The following CABCOCO1 variants were observed in gnomAD, a reference collection of about 807,000 sequenced individuals.
CABCOCO1 encodes the protein ciliary-associated calcium-binding coiled-coil protein 1.
In CABCOCO1, 28 loss-of-function variants were observed where a neutral mutation model predicts 35.7. The observed-to-expected ratio is 0.78, with a 90% CI of 0.58 to 1.07. The LOEUF is 1.07. Ranked by LOEUF, CABCOCO1 falls within the 50% of genes least tolerant of loss-of-function variation. The pLI is 0.00. For synonymous variants in CABCOCO1, 95 were observed against 100.1 expected, an observed-to-expected ratio of 0.95 and a Z score of 0.30; for missense variants, 326 against 309.2, an observed-to-expected ratio of 1.05 and a Z score of -0.41.
At position 61,760,855 on chromosome 10, in the gene CABCOCO1, T is replaced by A; in HGVS notation, c.676-8T>A. 2 of 1,605,428 alleles carry A rather than the reference T, an allele frequency of 1.2e-6. No homozygotes were observed. The highest frequency in any genetic ancestry group is 1.7e-5 in the Admixed American group (1 of 57,532). On this transcript the variant is annotated splice_region_variant and splice_polypyrimidine_tract_variant and intron_variant, in intron 6 of 7. Coordinates refer to ENST00000648843, the MANE Select transcript of CABCOCO1 (RefSeq NM_001366906.2). ...TCACCCGAGTGCTATTTACTTTCAA[T>A]ATTCTAGAGGTTGGATCAAGAACAA...
chr10:61,763,790 TAA>T (rs548021084), intron 7 of CABCOCO1, among the ~76,000 whole-genome samples: 9 of 137,542 alleles, frequency 6.5e-5, no homozygotes, highest in East Asian at 2.1e-4. Flanking sequence ...TTTTTTTCCT[TAA>T]AAAAAAAAAA....
intron 2 of CABCOCO1, 68 bp from the exon 3 acceptor site, chr10:61,681,075 A>T (rs1029300166): frequency 7.6e-6 from 8 of 1,046,874 alleles, no homozygotes; most frequent in Non-Finnish European, 1.0e-5. Flanking sequence ...CCTGTTTTCA[A>T]AACTTAGGAA....
intron 5 of CABCOCO1, among the ~76,000 whole-genome samples, chr10:61,723,538 A>G (rs1050621249): frequency 6.6e-6 from 1 of 152,188 alleles, no homozygotes; most frequent in African/African-American, 2.4e-5. Context: ...CACAGGCTAG[A>G]TGATGGAAAC....
chr10:61,700,945 A>G (rs1244674517), intron 5 of CABCOCO1, among the ~76,000 whole-genome samples: 1 of 63,708 alleles, frequency 1.6e-5, no homozygotes, highest in African/African-American at 7.0e-5. Context: ...ACATATACAT[A>G]CATGTATACA....
intron 5 of CABCOCO1, among the ~76,000 whole-genome samples, chr10:61,697,727 TA>T (rs1840333062): frequency 6.6e-6 from 1 of 152,108 alleles, no homozygotes; most frequent in Admixed American, 6.6e-5. Context: ...CCAAGAAGTA[TA>T]ATGCTAAGGC....
At chr10:61,682,021 T>C (rs1208399405) in intron 3 of CABCOCO1, among the ~76,000 whole-genome samples, 4 of 152,124 alleles carry the variant, frequency 2.6e-5, no homozygotes, top group Non-Finnish European at 5.9e-5. Context: ...TAAAAGAGAA[T>C]ATGTAACATG....
chr10:61,744,600 C>G (rs559094331), intron 5 of CABCOCO1, among the ~76,000 whole-genome samples: 4 of 152,262 alleles, frequency 2.6e-5, no homozygotes, highest in African/African-American at 9.6e-5. Context: ...CACATACAAT[C>G]TCAGTTTGTG....
chr10:61,705,154 A>G (rs1469510744), intron 5 of CABCOCO1, among the ~76,000 whole-genome samples: 1 of 152,188 alleles, frequency 6.6e-6, no homozygotes, highest in African/African-American at 2.4e-5. Flanking sequence ...CTTGCTACTG[A>G]TAACTCTAAA....
intron 2 of CABCOCO1, among the ~76,000 whole-genome samples, chr10:61,679,044 A>C (rs1002044043): frequency 2.0e-5 from 3 of 152,172 alleles, no homozygotes; most frequent in Non-Finnish European, 4.4e-5. Context: ...TGTTAAGAAT[A>C]ATAAGGACTT....
intron 5 of CABCOCO1, among the ~76,000 whole-genome samples, chr10:61,726,097 AT>A (rs1841142209): frequency 6.6e-6 from 1 of 152,140 alleles, no homozygotes; most frequent in African/African-American, 2.4e-5. Context: ...ATCTATCAAA[AT>A]TTTAGGCAGG....
intron 1 of CABCOCO1, among the ~76,000 whole-genome samples, chr10:61,670,729 A>G (rs1839330823): frequency 6.6e-6 from 1 of 151,984 alleles, no homozygotes; most frequent in South Asian, 2.1e-4. Flanking sequence ...AAGTCTCATA[A>G]TTTTTTATTT....
chr10:61,721,328 A>T (rs1480883652), intron 5 of CABCOCO1, among the ~76,000 whole-genome samples: 3 of 152,114 alleles, frequency 2.0e-5, no homozygotes, highest in Admixed American at 2.0e-4. Context: ...CATGAAACAG[A>T]TGGGAAGAAG....
chr10:61,737,288 G>A (rs111388018), intron 5 of CABCOCO1, among the ~76,000 whole-genome samples: 1,540 of 152,138 alleles, frequency 0.01, 35 homozygotes, highest in East Asian at 0.095. Context: ...ATTATTACAA[G>A]GTCAAAAAAT....
intron 5 of CABCOCO1, among the ~76,000 whole-genome samples, chr10:61,734,740 G>A (rs1841378017): frequency 6.6e-6 from 1 of 152,078 alleles, no homozygotes; most frequent in South Asian, 2.1e-4. Context: ...AGTAAGTGGA[G>A]CGCTCTCTGT....
At chr10:61,757,373 T>C (rs1386200529) in intron 5 of CABCOCO1, among the ~76,000 whole-genome samples, 1 of 152,068 alleles carries the variant, frequency 6.6e-6, no homozygotes, top group East Asian at 1.9e-4. Flanking sequence ...TCATCTGAAA[T>C]TGGGACATTT....
chr10:61,714,949 G>A (rs1472268828), intron 5 of CABCOCO1, among the ~76,000 whole-genome samples: 1 of 152,166 alleles, frequency 6.6e-6, no homozygotes, highest in Non-Finnish European at 1.5e-5. Flanking sequence ...GTCAGTTTTA[G>A]AATAAGTGTG....
chr10:61,756,471 A>G (rs184818082), intron 5 of CABCOCO1, among the ~76,000 whole-genome samples: 2 of 152,054 alleles, frequency 1.3e-5, no homozygotes, highest in African/African-American at 4.8e-5. Context: ...CCTTAGTTCA[A>G]ATGGTCTGCT....
At chr10:61,713,487 T>C (rs1840782253) in intron 5 of CABCOCO1, among the ~76,000 whole-genome samples, 3 of 152,192 alleles carry the variant, frequency 2.0e-5, no homozygotes, top group African/African-American at 7.2e-5. Context: ...CTTTTCCTAA[T>C]TGAATACGCT....
intron 5 of CABCOCO1, among the ~76,000 whole-genome samples, chr10:61,694,866 C>G (rs73287781): frequency 6.6e-6 from 1 of 152,036 alleles, no homozygotes; most frequent in Non-Finnish European, 1.5e-5. Flanking sequence ...CACAAGACCA[C>G]GTTTTAGGAG....
Sources: allele counts gnomAD v4.1 joint callset (sites outside exome capture counted in the v4.1 genomes callset), GRCh38; gene constraint gnomAD v4.1.1; transcripts MANE v1.5; gene names NCBI Gene and HGNC (gene_info 2026-07-23, HGNC 2026-07-21).